The following SCN8A variants were observed in gnomAD, a reference collection of about 807,000 sequenced individuals.
SCN8A encodes the protein sodium voltage-gated channel alpha subunit 8.
A neutral mutation model predicts 184.1 loss-of-function variants in SCN8A; 30 were observed. That is an observed-to-expected ratio of 0.16 (90% CI 0.12 to 0.22). The LOEUF (loss-of-function observed/expected upper bound fraction) is 0.22, where lower values mean the gene tolerates loss of function less well. Among genes scored for constraint, SCN8A ranks in the 10% least tolerant of loss-of-function variants. The probability of loss-of-function intolerance (pLI) is 1.00; values close to 1 mark genes in which losing one functional copy is unlikely to be tolerated. For missense variants in SCN8A, 1,057 were observed against 2,498.9 expected (o/e 0.42, Z 12.30); for synonymous variants, 852 against 907.0 (o/e 0.94, Z 1.09).
Position 51,622,203 on chromosome 12 carries a change from G to A in SCN8A, c.-55+30844G>A, listed in dbSNP as rs551036419. 9.2e-5 allele frequency among the ~76,000 whole-genome samples: 14 copies of A among 152,222 alleles called. No individual in the cohort carries two copies. The East Asian group carries it at 2.5e-3, about 27-fold the overall frequency. On this transcript the variant is annotated intron_variant, in intron 1 of 26. Coordinates refer to ENST00000627620, the MANE Select transcript of SCN8A (RefSeq NM_001330260.2). Reference sequence around the variant, plus strand: ...TTTAGGTTTACAGCAAAGTTGCAAGGGGAATACGGAGAATTCCTGTATATG... The same window carrying A: ...TTTAGGTTTACAGCAAAGTTGCAAGAGGAATACGGAGAATTCCTGTATATG...
chr12:51,766,847 ACT>A (rs1942845079), intron 16 of SCN8A, among the ~76,000 whole-genome samples: 1 of 152,144 alleles, frequency 6.6e-6, no homozygotes, highest in Admixed American at 6.5e-5. Flanking sequence ...TCCTTGTGTG[ACT>A]CAAAAGTACA....
rs1355458422 is a variant in SCN8A at position 51,721,735 on chromosome 12, G to A, written c.1825G>A (p.Glu609Lys). The A allele has an allele frequency of 8.1e-6, 13 of 1,601,782 alleles. No homozygotes were observed. Among genetic ancestry groups the A allele is most frequent in the Admixed American group, 1.7e-5 (1 of 57,286 alleles). The change falls in exon 12 of 27, where the codon GAG becomes AAG. Residue 609 changes from glutamate to lysine, a missense_variant. Physicochemically the swap from Glu to Lys is moderately conservative, Grantham distance 56. Around this residue, in one of 19 missense-constraint regions of SCN8A, gnomAD observed 322 missense variants for 390.1 expected, o/e 0.83. Transcript: ENST00000627620. ...DSLFIPIRAR[E>K]RRSSYSGYSG... is the part of the protein sequence containing the mutation. ...CCTCTTCATCCCCATCCGGGCCCGC[G>A]AGCGCCGGAGCAGCTACAGCGGCTA...
chr12:51,626,898 G>C (rs1940091455), intron 1 of SCN8A, among the ~76,000 whole-genome samples: 1 of 151,580 alleles, frequency 6.6e-6, no homozygotes, highest in South Asian at 2.1e-4. Flanking sequence ...ATGGATTTGA[G>C]TTTTCACATT....
intron 14 of SCN8A, among the ~76,000 whole-genome samples, chr12:51,759,705 A>G (rs1229650005): frequency 2.0e-5 from 3 of 152,232 alleles, no homozygotes; most frequent in Non-Finnish European, 4.4e-5. Flanking sequence ...GAACTGCTGC[A>G]TAAGAACATA....
At chr12:51,777,223 A>G (rs1937731454) in intron 20 of SCN8A, among the ~76,000 whole-genome samples, 1 of 152,062 alleles carries the variant, frequency 6.6e-6, no homozygotes, top group African/African-American at 2.4e-5. Context: ...CTTTTTTTCC[A>G]GCCTGCAACC....
intron 20 of SCN8A, chr12:51,780,388 C>A: frequency 2.8e-6 from 1 of 355,752 alleles, no homozygotes; most frequent in Non-Finnish European, 5.2e-6. Context: ...ACCGCCTTCT[C>A]GATTTTCTCT....
Position 51,597,206 on chromosome 12 carries a change from G to C in SCN8A, c.-55+5847G>C, listed in dbSNP as rs1030823797. On this transcript the variant is annotated intron_variant, in intron 1 of 26. Coordinates refer to ENST00000627620, the MANE Select transcript of SCN8A (RefSeq NM_001330260.2). ...CTTGATCCTGGAAGGAGTTGATTGG[G>C]GTGGGTTGACTAAAATAGGCGATGG... is the stretch of plus-strand genomic sequence containing the variant. 3.4e-4 allele frequency among the ~76,000 whole-genome samples: 51 copies of C among 152,178 alleles called. 1 individual carries two copies. Among genetic ancestry groups the C allele is most frequent in the African/African-American group, 1.2e-3 (49 of 41,520 alleles).
intron 20 of SCN8A, among the ~76,000 whole-genome samples, chr12:51,775,613 C>T (rs303802): frequency 0.62 from 93,876 of 152,094 alleles, 31,527 homozygotes; most frequent in Non-Finnish European, 0.76. Context: ...GGTGGAAGGA[C>T]CTGTACCCCC....
chr12:51,705,697 C>G, intron 10 of SCN8A, 74 bp downstream of exon 10: 9 of 1,325,004 alleles, frequency 6.8e-6, no homozygotes, highest in Non-Finnish European at 9.4e-6. Flanking sequence ...ATTTTCACTG[C>G]AGTTGATCTT....
At chr12:51,605,083 A>T (rs1209101138) in intron 1 of SCN8A, among the ~76,000 whole-genome samples, 1 of 151,888 alleles carries the variant, frequency 6.6e-6, no homozygotes, top group East Asian at 1.9e-4. Context: ...CGAGTTTTTC[A>T]TGTTCCTAAT....
intron 25 of SCN8A, 113 bp from the exon 26 acceptor site, chr12:51,794,258 G>A: frequency 2.1e-6 from 2 of 968,588 alleles, no homozygotes; most frequent in South Asian, 3.2e-5. Flanking sequence ...GAGCTGACCA[G>A]TATTACAGAA....
chr12:51,645,205 G>C (rs1260020566), intron 1 of SCN8A, among the ~76,000 whole-genome samples: 3 of 146,412 alleles, frequency 2.0e-5, no homozygotes, highest in Non-Finnish European at 4.5e-5. Flanking sequence ...GAGGGAGGTG[G>C]GGGGGTCAGC....
intron 1 of SCN8A, among the ~76,000 whole-genome samples, chr12:51,611,311 G>C (rs1194158111): frequency 6.7e-6 from 1 of 150,176 alleles, no homozygotes; most frequent in Non-Finnish European, 1.5e-5. Context: ...ACAGGTGCCC[G>C]CCACCACGCC....
chr12:51,794,336 T>C, intron 25 of SCN8A, 35 bp from the exon 26 acceptor site: 1 of 1,582,948 alleles, frequency 6.3e-7, no homozygotes, highest in Non-Finnish European at 8.6e-7. Context: ...AAGGTTTTCA[T>C]GAATCTTTTA....
At position 51,809,715 on chromosome 12, in the gene SCN8A, T is replaced by G. The variant is rs947222135; in HGVS notation, c.*2286T>G. On this transcript the variant is annotated 3_prime_UTR_variant, in exon 27 of 27. Transcript: ENST00000627620. Reference sequence around the variant, plus strand: ...TTATAAATACTGTAATATATAATTTTATTTTATTGGCATGCCTTTTTGTAA... The same window carrying G: ...TTATAAATACTGTAATATATAATTTGATTTTATTGGCATGCCTTTTTGTAA... 3 of 152,262 alleles carry G rather than the reference T, an allele frequency of 2.0e-5. No homozygotes were observed. Among genetic ancestry groups the G allele is most frequent in the African/African-American group, 7.2e-5 (3 of 41,462 alleles). 9.4% of individuals were successfully genotyped at this position (152,262 alleles called of 1,614,324 possible). A position where few individuals can be genotyped will look rare whatever the true frequency, so the allele number is the denominator to read the frequency against.
At position 51,786,837 on chromosome 12, in the gene SCN8A, T is replaced by A; in HGVS notation, c.4227+11T>A. ...GCCCTTCTTCAAGTAGTAAGTAGTG[T>A]TTTTGTTTTTGTTTTTTCAGTTCTG... On this transcript the variant is annotated intron_variant, in intron 22 of 26. Coordinates refer to ENST00000627620, the MANE Select transcript of SCN8A (RefSeq NM_001330260.2). 6.2e-7 allele frequency: 1 copy of A among 1,601,986 alleles called. No homozygotes were observed. Among genetic ancestry groups the A allele is most frequent in the Non-Finnish European group, 8.5e-7 (1 of 1,176,194 alleles).
At chr12:51,625,385 A>G (rs185167891) in intron 1 of SCN8A, among the ~76,000 whole-genome samples, 9 of 152,326 alleles carry the variant, frequency 5.9e-5, no homozygotes, top group Middle Eastern at 6.8e-3. Context: ...CGTCCATTCT[A>G]TGGTATACCA....
chr12:51,693,025 T>C (rs1352116746), intron 6 of SCN8A, among the ~76,000 whole-genome samples: 1 of 152,248 alleles, frequency 6.6e-6, no homozygotes, highest in Non-Finnish European at 1.5e-5. Flanking sequence ...ATTTTATTTC[T>C]CAGCTTTCAT....
intron 16 of SCN8A, among the ~76,000 whole-genome samples, chr12:51,767,713 C>T (rs1230171867): frequency 6.6e-6 from 1 of 152,156 alleles, no homozygotes; most frequent in Non-Finnish European, 1.5e-5. Context: ...AACAAACATC[C>T]ACACCCCTCA....
Sources: gnomAD v4.1 joint callset for allele counts (sites outside exome capture counted in the v4.1 genomes callset) on GRCh38, gnomAD v4.1.1 for gene constraint, gnomAD v4.1.1 regional missense constraint, MANE v1.5 for transcripts, NCBI Gene and HGNC (gene_info 2026-07-23, HGNC 2026-07-21) for gene names.